Variants in RASEF observed in about 807,000 individuals in gnomAD.
RASEF encodes ras and EF-hand domain-containing protein.
In RASEF, 68 loss-of-function variants were observed where a neutral mutation model predicts 90.1. That is an observed-to-expected ratio of 0.75 (90% CI 0.62 to 0.92). The LOEUF (loss-of-function observed/expected upper bound fraction) is 0.92, where lower values mean the gene tolerates loss of function less well. Ranked by LOEUF, RASEF falls within the 40% of genes least tolerant of loss-of-function variation. RASEF has a pLI of 0.00. For synonymous variants in RASEF, 331 were observed against 345.2 expected, an observed-to-expected ratio of 0.96 and a Z score of 0.46; for missense variants, 949 against 937.2, an observed-to-expected ratio of 1.01 and a Z score of -0.16.
In RASEF at chr9:82,983,150, CA is replaced by C. The variant is rs1450080282; in HGVS notation, c.2118-369del. Among the ~76,000 whole-genome samples the C allele has an allele frequency of 6.8e-4, 103 of 150,782 alleles. 2 individuals carry two copies. Among genetic ancestry groups the C allele is most frequent in the African/African-American group, 2.3e-3 (95 of 40,892 alleles). On this transcript the variant is annotated intron_variant, in intron 16 of 16. Transcript: ENST00000376447. Reference sequence around the variant, plus strand: ...ACACACACACACACACACACACACACACACACCCTTCTCCCCTCACTCTCTC... The same window carrying C: ...ACACACACACACACACACACACACACCACACCCTTCTCCCCTCACTCTCTC...
the RASEF span, among the ~76,000 whole-genome samples, chr9:83,201,400 G>T: frequency 3.3e-5 from 5 of 152,222 alleles, no homozygotes; most frequent in Non-Finnish European, 5.9e-5. Flanking sequence ...GGACGTAGAG[G>T]ATGCCAGAGT....
intron 16 of RASEF, among the ~76,000 whole-genome samples, chr9:82,983,130 C>T (rs1828646384): frequency 6.6e-6 from 1 of 150,850 alleles, no homozygotes; most frequent in African/African-American, 2.4e-5. Flanking sequence ...CACACACACA[C>T]ACACACACAC....
At chr9:83,152,543 T>C in the RASEF span, among the ~76,000 whole-genome samples, 1 of 152,202 alleles carries the variant, frequency 6.6e-6, no homozygotes, top group Non-Finnish European at 1.5e-5. Flanking sequence ...TCCATTGCCT[T>C]AATCCACTGC....
chr9:83,018,458 TAGAG>T (rs1327648012), intron 3 of RASEF, among the ~76,000 whole-genome samples: 2 of 152,070 alleles, frequency 1.3e-5, no homozygotes, highest in African/African-American at 2.4e-5. Context: ...AAAGAAGACA[TAGAG>T]AGAGAAATCA....
At chr9:83,140,572 G>A in the RASEF span, among the ~76,000 whole-genome samples, 1 of 152,234 alleles carries the variant, frequency 6.6e-6, no homozygotes, top group East Asian at 1.9e-4. Flanking sequence ...GACAGTGAGA[G>A]AATCCAAATA....
intron 2 of RASEF, among the ~76,000 whole-genome samples, chr9:83,024,819 A>C (rs923168804): frequency 2.6e-5 from 4 of 152,188 alleles, no homozygotes; most frequent in African/African-American, 9.7e-5. Context: ...GGGAAGGATA[A>C]AGAGACAGCA....
At chr9:83,213,492 C>T in the RASEF span, among the ~76,000 whole-genome samples, 3 of 152,044 alleles carry the variant, frequency 2.0e-5, no homozygotes, top group Non-Finnish European at 4.4e-5. Flanking sequence ...TAACAGACAC[C>T]GTTGTTCTAT....
intron 9 of RASEF, among the ~76,000 whole-genome samples, chr9:83,004,179 G>GCAT (rs1175374969): frequency 6.6e-6 from 1 of 152,124 alleles, no homozygotes; most frequent in Non-Finnish European, 1.5e-5. Context: ...AAACACTGCA[G>GCAT]CATCATATAC....
chr9:82,985,571 G>A (rs751421418), intron 16 of RASEF, among the ~76,000 whole-genome samples: 1 of 152,180 alleles, frequency 6.6e-6, no homozygotes, highest in East Asian at 1.9e-4. Flanking sequence ...CCAATGTGGG[G>A]TTGGACGCAA....
intron 9 of RASEF, 101 bp downstream of exon 9, chr9:83,004,397 C>T (rs1829090817): frequency 5.1e-6 from 2 of 391,762 alleles, no homozygotes; most frequent in Non-Finnish European, 9.0e-6. Flanking sequence ...AAATTAGTGA[C>T]CAAAGTATAT....
At chr9:83,106,776 T>TCTC in the RASEF span, among the ~76,000 whole-genome samples, 79,027 of 151,716 alleles carry the variant, frequency 0.52, 21,423 homozygotes, top group East Asian at 0.8. Context: ...TGACCATCCT[T>TCTC]CTTTTCAGGG....
chr9:83,212,221 A>C, the RASEF span, among the ~76,000 whole-genome samples: 1 of 152,238 alleles, frequency 6.6e-6, no homozygotes, highest in Non-Finnish European at 1.5e-5. Context: ...GCCCAAGGTC[A>C]CATAGCTGTA....
chr9:82,984,656 G>A (rs1828679575), intron 16 of RASEF, among the ~76,000 whole-genome samples: 1 of 152,130 alleles, frequency 6.6e-6, no homozygotes, highest in Admixed American at 6.6e-5. Context: ...CACCCGGGAA[G>A]ACTCATTTCA....
chr9:83,171,936 CT>C, the RASEF span, among the ~76,000 whole-genome samples: 1 of 151,488 alleles, frequency 6.6e-6, no homozygotes, highest in South Asian at 2.1e-4. Flanking sequence ...GATCTGTATT[CT>C]TTTCTTCTAC....
the RASEF span, among the ~76,000 whole-genome samples, chr9:83,187,731 G>C: frequency 6.6e-6 from 1 of 152,032 alleles, no homozygotes; most frequent in Admixed American, 6.5e-5. Flanking sequence ...ATCTCTTGAG[G>C]GTGCCCTTCT....
chr9:83,105,628 A>G, the RASEF span, among the ~76,000 whole-genome samples: 2 of 152,216 alleles, frequency 1.3e-5, no homozygotes, highest in Admixed American at 6.5e-5. Context: ...AAATTGTTGC[A>G]TTTATAAAAG....
At chr9:82,993,068 G>T (rs1362672787) in intron 14 of RASEF, 43 bp from the exon 15 acceptor site, 4 of 1,595,962 alleles carry the variant, frequency 2.5e-6, no homozygotes, top group Non-Finnish European at 3.4e-6. Flanking sequence ...TCAAACACTG[G>T]ACACATTACG....
In RASEF at chr9:83,062,975, C is replaced by T. The variant is rs1830244992; in HGVS notation, c.-108G>A. ...CCGCCGGGAGGCCCGGCGAGTTTGGCTCGTCCGGCTGGTTCGGCCACTTGA... is the reference window on the plus strand; with the variant it reads ...CCGCCGGGAGGCCCGGCGAGTTTGGTTCGTCCGGCTGGTTCGGCCACTTGA... On this transcript the variant is annotated 5_prime_UTR_variant, in exon 1 of 17. Coordinates refer to ENST00000376447, the MANE Select transcript of RASEF (RefSeq NM_152573.4). The T allele has an allele frequency of 8.2e-7, 1 of 1,219,876 alleles. No individual in the cohort carries two copies. Among genetic ancestry groups the T allele is most frequent in the East Asian group, 3.1e-5 (1 of 32,008 alleles). The allele number at this position is 1,219,876 out of a possible 1,614,324, so 75.6% of individuals were successfully genotyped here.
chr9:83,002,534 T>A (rs1454065300), intron 9 of RASEF, among the ~76,000 whole-genome samples: 1 of 150,582 alleles, frequency 6.6e-6, no homozygotes, highest in South Asian at 2.1e-4. Flanking sequence ...TGTTAATATA[T>A]ACTATTAATA....
Sources: gnomAD v4.1 joint callset for allele counts (sites outside exome capture counted in the v4.1 genomes callset) on GRCh38, gnomAD v4.1.1 for gene constraint, MANE v1.5 for transcripts, NCBI Gene and HGNC (gene_info 2026-07-23, HGNC 2026-07-21) for gene names.